PCDHGB4: variants seen among roughly 807,000 people sequenced by gnomAD.
The protein encoded by PCDHGB4 is protocadherin gamma-B4.
PCDHGB4 carries 38 observed loss-of-function variants against 60.5 expected under a neutral mutation model. The observed-to-expected ratio is 0.63, with a 90% CI of 0.48 to 0.82. The LOEUF is 0.82. Among genes scored for constraint, PCDHGB4 ranks in the 40% least tolerant of loss-of-function variants. The pLI is 0.00. For missense variants in PCDHGB4, 1,109 were observed against 1,209.6 expected, an observed-to-expected ratio of 0.92 and a Z score of 1.23; for synonymous variants, 456 against 509.7, an observed-to-expected ratio of 0.89 and a Z score of 1.42.
intron 1 of PCDHGB4, among the ~76,000 whole-genome samples, chr5:141,438,705 G>A (rs555160868): frequency 2.0e-4 from 29 of 145,842 alleles, no homozygotes; most frequent in African/African-American, 7.1e-4. Flanking sequence ...CTGTCACCCA[G>A]GCTGGAGTGC....
chr5:141,416,859 G>A (rs1411419006), intron 1 of PCDHGB4: 1 of 151,936 alleles, frequency 6.6e-6, no homozygotes, highest in South Asian at 2.1e-4. Context: ...ATTTTTTTCA[G>A]GTCAGTCAAC....
intron 1 of PCDHGB4, chr5:141,423,323 C>T (rs200492485): frequency 6.2e-7 from 1 of 1,614,146 alleles, no homozygotes; most frequent in East Asian, 2.2e-5. Flanking sequence ...GTGGCGGTGG[C>T]CGCAGTCTCC....
rs571588941 is a variant in PCDHGB4, at chr5:141,428,181, A to T, written c.2397+37900A>T. The T allele has an allele frequency of 1.2e-4, 181 of 1,486,230 alleles. 2 individuals carry two copies. In the South Asian group the frequency reaches 2.0e-3, roughly 16 times the overall value. The allele number at this position is 1,486,230 out of a possible 1,614,324, so 92.1% of individuals were successfully genotyped here. A position where few individuals can be genotyped will look rare whatever the true frequency, so the allele number is the denominator to read the frequency against. ...CTGGTTGCTGTGCGTGACGGAGGAC[A>T]GCCGCCGCTCTCTGCGCCGCTACGC... On this transcript the variant is annotated intron_variant, in intron 1 of 3. Coordinates refer to ENST00000519479, the MANE Select transcript of PCDHGB4 (RefSeq NM_003736.4).
At chr5:141,399,670 GCCTTTGACTACGAGCAGCTGCGCA>G (rs758329241) in intron 1 of PCDHGB4, 2 of 1,613,610 alleles carry the variant, frequency 1.2e-6, no homozygotes, top group East Asian at 4.5e-5. Context: ...CGCGCAGCGC[GCCTTTGACTACGAGCAGCTGCGCA>G]CCTTCGAACT....
chr5:141,413,630 C>T (rs746896115), intron 1 of PCDHGB4: 2 of 1,613,692 alleles, frequency 1.2e-6, no homozygotes, highest in Admixed American at 3.3e-5. Flanking sequence ...AATGTCGCTG[C>T]GGGAATGCGT....
In PCDHGB4 at chr5:141,472,878, C is replaced by T. The variant is rs774209715; in HGVS notation, c.2398-21929C>T. ...GCACATGCCTGTATTCCCAGCTACT[C>T]GGGAGGCTGAGGCAGGAGAATTGCT... On this transcript the variant is annotated intron_variant, in intron 1 of 3. Transcript: ENST00000519479. 6.8e-5 allele frequency among the ~76,000 whole-genome samples: 10 copies of T among 146,132 alleles called. 1 individual carries two copies. The highest frequency in any genetic ancestry group is 4.2e-4 in the East Asian group (2 of 4,758).
intron 1 of PCDHGB4, among the ~76,000 whole-genome samples, chr5:141,463,087 C>T (rs971667191): frequency 6.6e-6 from 1 of 152,120 alleles, no homozygotes; most frequent in Non-Finnish European, 1.5e-5. Context: ...CATTTTCCAG[C>T]CCTATGTGAC....
chr5:141,441,126 C>A (rs1319809408), intron 1 of PCDHGB4: 2 of 152,062 alleles, frequency 1.3e-5, no homozygotes, highest in Admixed American at 1.3e-4. Context: ...CAGTTGAGAC[C>A]GAATTTCTAG....
rs370503146 is a variant in PCDHGB4 at position 141,511,012 on chromosome 5, G to A, written c.2611G>A (p.Gly871Arg). 11 of 1,614,060 alleles carry A rather than the reference G, an allele frequency of 6.8e-6. No individual in the cohort carries two copies. Among genetic ancestry groups the A allele is most frequent in the Middle Eastern group, 1.6e-4 (1 of 6,084 alleles). ...AGTMGLSARYGPQFTLQHVPD... is the reference protein window; with the variant it reads ...AGTMGLSARYRPQFTLQHVPD... The stretch of plus-strand genomic sequence containing the variant: ...CACCATGGGATTGAGCGCCCGCTAC[G>A]GACCCCAGTTCACCCTGCAGCACGT... The change falls in exon 4 of 4, where the codon GGA (glycine) becomes AGA (arginine). Residue 871 changes from glycine (G) to arginine (R), a missense_variant. Transcript: ENST00000519479.
At chr5:141,409,013 G>T in intron 1 of PCDHGB4, 1 of 1,613,998 alleles carries the variant, frequency 6.2e-7, no homozygotes. Flanking sequence ...TGACCAGGAT[G>T]AGGGGGTCAA....
chr5:141,499,493 A>G (rs1322531312), intron 2 of PCDHGB4, among the ~76,000 whole-genome samples: 1 of 152,222 alleles, frequency 6.6e-6, no homozygotes, highest in African/African-American at 2.4e-5. Context: ...CTACAGTTTA[A>G]TATGAAACAT....
At chr5:141,505,576 T>C in intron 3 of PCDHGB4, 95 bp downstream of exon 3, 5 of 1,590,334 alleles carry the variant, frequency 3.1e-6, no homozygotes, top group Admixed American at 1.7e-5. Context: ...ATGTCAAACC[T>C]GTGTAGTTTC....
rs372479779 is a variant in PCDHGB4, at chr5:141,399,808, C to T, written c.2397+9527C>T. On this transcript the variant is annotated intron_variant, in intron 1 of 3. Coordinates refer to ENST00000519479, the MANE Select transcript of PCDHGB4 (RefSeq NM_003736.4). The stretch of plus-strand genomic sequence containing the variant: ...CGACAACGCACCGCGGGTGCTGTAC[C>T]CCGCGCTGGGTCCCGACGGCTCTGC... 72 of 1,613,090 alleles carry T rather than the reference C, an allele frequency of 4.5e-5. No homozygotes were observed. The highest frequency in any genetic ancestry group is 6.0e-5 in the Non-Finnish European group (71 of 1,179,762).
chr5:141,394,778 C>A (rs377451053), intron 1 of PCDHGB4: 82 of 1,613,634 alleles, frequency 5.1e-5, no homozygotes, highest in Admixed American at 3.7e-4. Context: ...CCCCTCTCTC[C>A]GCCACTGTCA....
chr5:141,409,990 C>T (rs377295503), intron 1 of PCDHGB4: 1 of 1,613,160 alleles, frequency 6.2e-7, no homozygotes, highest in Non-Finnish European at 8.5e-7. Flanking sequence ...CGGTGGACGC[C>T]GACTCGGGAC....
At chr5:141,461,966 G>A (rs2099027516) in intron 1 of PCDHGB4, among the ~76,000 whole-genome samples, 1 of 152,162 alleles carries the variant, frequency 6.6e-6, no homozygotes, top group African/African-American at 2.4e-5. Context: ...TGGGATTCCA[G>A]GCATATGCCA....
chr5:141,481,679 C>T (rs2099541734), intron 1 of PCDHGB4, among the ~76,000 whole-genome samples: 1 of 151,948 alleles, frequency 6.6e-6, no homozygotes, highest in Non-Finnish European at 1.5e-5. Context: ...TCAGGCCGGG[C>T]CTGGTGGCTC....
At chr5:141,469,104 C>G (rs1046234848) in intron 1 of PCDHGB4, among the ~76,000 whole-genome samples, 3 of 151,760 alleles carry the variant, frequency 2.0e-5, no homozygotes, top group Middle Eastern at 3.2e-3. Flanking sequence ...AAGCAAGAAC[C>G]TGTCTCTAAA....
chr5:141,419,894 C>T (rs1590201850), intron 1 of PCDHGB4: 2 of 1,613,926 alleles, frequency 1.2e-6, no homozygotes, highest in East Asian at 2.2e-5. Flanking sequence ...CAGCGACCAT[C>T]CCACACCCTC....
Sources: allele counts gnomAD v4.1 joint callset (sites outside exome capture counted in the v4.1 genomes callset), GRCh38; gene constraint gnomAD v4.1.1; transcripts MANE v1.5; gene names NCBI Gene and HGNC (gene_info 2026-07-23, HGNC 2026-07-21).